Variants in LRBA observed in about 807,000 individuals in gnomAD.
The protein encoded by LRBA is LPS responsive beige-like anchor protein, also known as lipopolysaccharide-responsive and beige-like anchor protein.
A neutral mutation model predicts 330.0 loss-of-function variants in LRBA; 176 were observed. The observed-to-expected ratio is 0.53, with a 90% confidence interval of 0.47 to 0.60. LRBA has a LOEUF of 0.60. Among genes scored for constraint, LRBA ranks in the 20% least tolerant of loss-of-function variants. LRBA has a pLI of 0.00. For missense variants in LRBA, 3,259 were observed against 3,444.8 expected, an observed-to-expected ratio of 0.95 and a Z score of 1.35; for synonymous variants, 1,230 against 1,193.0, an observed-to-expected ratio of 1.03 and a Z score of -0.64.
chr4:150,277,740 G>A, intron 56 of LRBA, 113 bp downstream of exon 56: 1 of 1,103,556 alleles, frequency 9.1e-7, no homozygotes, highest in Non-Finnish European at 1.3e-6. Context: ...GGGCTCAAGT[G>A]ATTCTCCTGC....
chr4:150,980,853 A>T (rs1442416263), intron 2 of LRBA, among the ~76,000 whole-genome samples: 1 of 152,178 alleles, frequency 6.6e-6, no homozygotes, highest in Admixed American at 6.5e-5. Context: ...AACAATCTGA[A>T]CATGAAATGA....
At chr4:150,641,910 G>T (rs1457383209) in intron 37 of LRBA, among the ~76,000 whole-genome samples, 1 of 151,934 alleles carries the variant, frequency 6.6e-6, no homozygotes. Flanking sequence ...ATGAATAAAG[G>T]TTAATACCAA....
intron 37 of LRBA, among the ~76,000 whole-genome samples, chr4:150,669,730 T>A (rs1283826863): frequency 6.6e-6 from 1 of 151,966 alleles, no homozygotes; most frequent in Non-Finnish European, 1.5e-5. Flanking sequence ...CACGCCCAGA[T>A]AATTGTTGTA....
Position 150,903,194 on chromosome 4 carries a change from C to T in LRBA, c.1755+2644G>A, listed in dbSNP as rs543389282. Among the ~76,000 whole-genome samples the T allele has an allele frequency of 3.9e-5, 6 of 152,156 alleles. No homozygotes were observed. In the East Asian group the frequency reaches 1.2e-3, roughly 29 times the overall value. ...GCCGGAAGTTCGAGACCAGCCTAAACAACAAAGCAAGACCCTAGTCTCTAC... is the reference window on the plus strand; with the variant it reads ...GCCGGAAGTTCGAGACCAGCCTAAATAACAAAGCAAGACCCTAGTCTCTAC... On this transcript the variant is annotated intron_variant, in intron 13 of 56. Coordinates refer to ENST00000651943, the MANE Select transcript of LRBA (RefSeq NM_001364905.1).
intron 12 of LRBA, 91 bp downstream of exon 12, chr4:150,906,206 A>C: frequency 1.1e-6 from 1 of 899,962 alleles, no homozygotes; most frequent in Non-Finnish European, 1.8e-6. Flanking sequence ...CCAAGGAGAC[A>C]TTCTTGCAGA....
chr4:150,516,241 T>C (rs1354375165), intron 40 of LRBA, among the ~76,000 whole-genome samples: 1 of 133,678 alleles, frequency 7.5e-6, no homozygotes, highest in Non-Finnish European at 1.6e-5. Context: ...TTTTTTTTTT[T>C]TTGCTAAGTA....
chr4:150,304,856 A>C (rs959612444), intron 52 of LRBA, among the ~76,000 whole-genome samples: 14 of 152,328 alleles, frequency 9.2e-5, no homozygotes, highest in African/African-American at 3.4e-4. Context: ...TAATAACTAG[A>C]AAATCAAAGG....
chr4:150,422,363 G>A (rs1347632861), intron 46 of LRBA, among the ~76,000 whole-genome samples: 1 of 152,100 alleles, frequency 6.6e-6, no homozygotes, highest in Non-Finnish European at 1.5e-5. Context: ...ACTTCCAGAA[G>A]GTTTTCCCCT....
At position 150,852,911 on chromosome 4, in the gene LRBA, G is replaced by A. The variant is rs1032837842; in HGVS notation, c.2799C>T (p.Ala933=). Residue 933 remains alanine, a synonymous_variant, in exon 23 of 57, where the codon GCC becomes GCT. Coordinates refer to ENST00000651943, the MANE Select transcript of LRBA (RefSeq NM_001364905.1). ...TTCCTTGCTGTTCCCTAAATATATT[G>A]GCAAGGTTTTCTTTGTGTATTTCAA... The part of the protein sequence containing the change: ...VTFEIHKENL[A]NIFREQQGKV... 2.4e-5 allele frequency: 38 copies of A among 1,585,748 alleles called. No homozygotes were observed. Among genetic ancestry groups the A allele is most frequent in the Non-Finnish European group, 3.3e-5 (38 of 1,167,524 alleles).
chr4:150,988,906 C>T lies in LRBA; in HGVS notation c.216+25521G>A, dbSNP rs969083519. ...GATTTTATGAACAGTATATCAAACT[C>T]ACCAAAATGAGTTTTTATTGGCTGT... On this transcript the variant is annotated intron_variant, in intron 2 of 56. Coordinates refer to ENST00000651943, the MANE Select transcript of LRBA (RefSeq NM_001364905.1). 2.0e-5 allele frequency among the ~76,000 whole-genome samples: 3 copies of T among 151,922 alleles called. No individual in the cohort carries two copies. In the East Asian group the frequency reaches 5.8e-4, roughly 29 times the overall value.
At chr4:150,357,391 C>A (rs974809246) in intron 47 of LRBA, among the ~76,000 whole-genome samples, 1 of 151,936 alleles carries the variant, frequency 6.6e-6, no homozygotes, top group Admixed American at 6.6e-5. Flanking sequence ...CAACTGAAGT[C>A]TGTATTGCTG....
chr4:150,926,303 C>T (rs1278065146), intron 4 of LRBA, among the ~76,000 whole-genome samples: 2 of 152,220 alleles, frequency 1.3e-5, no homozygotes, highest in East Asian at 1.9e-4. Context: ...GGAGAGACCA[C>T]AGTCTTGCTA....
At chr4:150,805,335 A>AAAGGAAAGGAAAGGAG (rs1560841373) in intron 33 of LRBA, among the ~76,000 whole-genome samples, 26 of 129,028 alleles carry the variant, frequency 2.0e-4, no homozygotes, top group African/African-American at 5.6e-4. Flanking sequence ...AAAGGAAAGG[A>AAAGGAAAGGAAAGGAG]AAGGAGAAGG....
At chr4:150,369,604 C>T (rs1388759586) in intron 47 of LRBA, among the ~76,000 whole-genome samples, 1 of 151,708 alleles carries the variant, frequency 6.6e-6, no homozygotes, top group Admixed American at 6.6e-5. Context: ...ATAAGAGCTG[C>T]AAAATAATTA....
intron 34 of LRBA, among the ~76,000 whole-genome samples, chr4:150,786,595 A>T (rs1739093469): frequency 6.6e-6 from 1 of 152,088 alleles, no homozygotes; most frequent in Admixed American, 6.5e-5. Flanking sequence ...CTCAAGATTC[A>T]TGACTCAAGG....
chr4:150,895,477 C>G (rs1284199941), intron 16 of LRBA, among the ~76,000 whole-genome samples: 1 of 152,026 alleles, frequency 6.6e-6, no homozygotes, highest in East Asian at 1.9e-4. Context: ...TGTTCCCCTT[C>G]CTGTGTCCAT....
intron 48 of LRBA, among the ~76,000 whole-genome samples, chr4:150,331,375 G>A (rs1733970202): frequency 6.6e-6 from 1 of 152,176 alleles, no homozygotes; most frequent in Non-Finnish European, 1.5e-5. Context: ...TGCCTCAACT[G>A]CTCTTAATGA....
At position 150,903,946 on chromosome 4, in the gene LRBA, C is replaced by T. The variant is rs1036669759; in HGVS notation, c.1755+1892G>A. The stretch of plus-strand genomic sequence containing the variant: ...TGTTCATCACCATATCCACAGTGCC[C>T]ACCATAAAGTAGTCACTCAACAAAT... On this transcript the variant is annotated intron_variant, in intron 13 of 56. Transcript: ENST00000651943. 2.0e-5 allele frequency among the ~76,000 whole-genome samples: 3 copies of T among 152,076 alleles called. No individual in the cohort carries two copies. In the South Asian group the frequency reaches 6.2e-4, roughly 31 times the overall value.
chr4:150,740,258 T>A (rs1173729439), intron 35 of LRBA, among the ~76,000 whole-genome samples: 1 of 151,312 alleles, frequency 6.6e-6, no homozygotes, highest in African/African-American at 2.4e-5. Flanking sequence ...AAGAAAAAAA[T>A]TGTCAAAATA....
Sources: gnomAD v4.1 joint callset for allele counts (sites outside exome capture counted in the v4.1 genomes callset) on GRCh38, gnomAD v4.1.1 for gene constraint, MANE v1.5 for transcripts, NCBI Gene and HGNC (gene_info 2026-07-23, HGNC 2026-07-21) for gene names.